Variants in BBS12 observed in about 807,000 individuals in gnomAD.
BBS12 encodes Bardet-Biedl syndrome 12, also known as chaperonin-containing T-complex member BBS12.
A neutral mutation model predicts 5.6 loss-of-function variants in BBS12; 5 were observed. The ratio of observed to expected loss-of-function variants is 0.89; its 90% confidence interval spans 0.46 to 1.86. The LOEUF is 1.86. Ranked by LOEUF, BBS12 falls within the 40% of genes most tolerant of loss-of-function variation. The probability of loss-of-function intolerance (pLI) is 0.01; values close to 1 mark genes in which losing one functional copy is unlikely to be tolerated. For missense variants in BBS12, 748 were observed against 830.4 expected (o/e 0.90, Z 1.22); for synonymous variants, 308 against 306.8 (o/e 1.00, Z -0.04).
the BBS12 span, among the ~76,000 whole-genome samples, chr4:122,717,582 C>T: frequency 1.3e-5 from 2 of 152,090 alleles, no homozygotes; most frequent in African/African-American, 4.8e-5. Context: ...CAGGCTGGAG[C>T]GCAGTGGCGT....
chr4:122,727,567 T>TTTTTTTTTTTTTTTGTA, the BBS12 span, among the ~76,000 whole-genome samples: 1 of 102,566 alleles, frequency 9.7e-6, no homozygotes, highest in Non-Finnish European at 1.9e-5. Context: ...TTTTTTTTTT[T>TTTTTTTTTTTTTTTGTA]GAGATGGAGT....
the BBS12 span, among the ~76,000 whole-genome samples, chr4:122,707,162 A>G: frequency 6.8e-6 from 1 of 146,228 alleles, no homozygotes; most frequent in Non-Finnish European, 1.5e-5. Context: ...GGCTTATCTC[A>G]CAGTTTTAAA....
In BBS12 at chr4:122,743,666, G is replaced by T; in HGVS notation, c.1774G>T (p.Ala592Ser). Residue 592 changes from alanine to serine, a missense_variant, in exon 2 of 2, where the codon GCA becomes TCA. Coordinates refer to ENST00000314218, the MANE Select transcript of BBS12 (RefSeq NM_152618.3). ...IYRPTVLKFL[A>S]NGWQKYLSTL... Reference sequence around the variant, plus strand: ...CAGACCAACTGTGCTTAAATTCCTGGCAAATGGATGGCAGAAATACCTTTC... The same window carrying T: ...CAGACCAACTGTGCTTAAATTCCTGTCAAATGGATGGCAGAAATACCTTTC... The T allele has an allele frequency of 6.2e-7, 1 of 1,614,098 alleles. No individual in the cohort carries two copies. Among genetic ancestry groups the T allele is most frequent in the Non-Finnish European group, 8.5e-7 (1 of 1,180,014 alleles).
the BBS12 span, among the ~76,000 whole-genome samples, chr4:122,701,553 G>A: frequency 2.0e-5 from 3 of 152,188 alleles, no homozygotes; most frequent in African/African-American, 7.2e-5. Context: ...GGAGGATGAG[G>A]TGGTGAGAGA....
the BBS12 span, among the ~76,000 whole-genome samples, chr4:122,713,005 A>C: frequency 6.6e-6 from 1 of 152,198 alleles, no homozygotes; most frequent in Admixed American, 6.5e-5. Context: ...GGTCTCATTG[A>C]AACATGCAGG....
the BBS12 span, among the ~76,000 whole-genome samples, chr4:122,716,543 G>GTGTATATATACACATA: frequency 1.8e-5 from 2 of 108,718 alleles, no homozygotes; most frequent in Non-Finnish European, 4.1e-5. Context: ...ATATACATAT[G>GTGTATATATACACATA]TGTATATATA....
intron 1 of BBS12, among the ~76,000 whole-genome samples, chr4:122,740,495 C>G (rs778609085): frequency 6.6e-6 from 1 of 152,118 alleles, no homozygotes; most frequent in Non-Finnish European, 1.5e-5. Context: ...GCACTGCTCA[C>G]GATGGATTTT....
In BBS12 at chr4:122,744,194, C is replaced by T. The variant is rs1800951334; in HGVS notation, c.*169C>T. Reference sequence around the variant, plus strand: ...TCTGAGATTTTACCCTACTTATAAGCTAACAAGTTAGCCTGTTACTGTTTC... The same window carrying T: ...TCTGAGATTTTACCCTACTTATAAGTTAACAAGTTAGCCTGTTACTGTTTC... On this transcript the variant is annotated 3_prime_UTR_variant, in exon 2 of 2. Transcript: ENST00000314218. 3 of 713,010 alleles carry T rather than the reference C, an allele frequency of 4.2e-6. No homozygotes were observed. Among genetic ancestry groups the T allele is most frequent in the Non-Finnish European group, 7.0e-6 (3 of 426,342 alleles). 44.2% of individuals were successfully genotyped at this position (713,010 alleles called of 1,614,324 possible).
the BBS12 span, among the ~76,000 whole-genome samples, chr4:122,706,021 A>T: frequency 6.6e-6 from 1 of 152,146 alleles, no homozygotes; most frequent in African/African-American, 2.4e-5. Flanking sequence ...TTTTCAGAGG[A>T]AGAGGAGGGC....
intron 1 of BBS12, among the ~76,000 whole-genome samples, chr4:122,739,412 A>G (rs1331967117): frequency 6.6e-6 from 1 of 151,646 alleles, no homozygotes; most frequent in Non-Finnish European, 1.5e-5. Flanking sequence ...TGGATGTCCC[A>G]CAGCACTATA....
chr4:122,738,012 TA>T (rs374548488), intron 1 of BBS12, among the ~76,000 whole-genome samples: 10 of 152,360 alleles, frequency 6.6e-5, no homozygotes, highest in African/African-American at 2.4e-4. Flanking sequence ...ACTTTATATG[TA>T]AATTAACTCA....
upstream of BBS12, chr4:122,730,059 T>C (rs1424522238): frequency 6.6e-6 from 1 of 152,182 alleles, no homozygotes; most frequent in Admixed American, 6.5e-5. Context: ...ATGGGTGATG[T>C]AAGTGCTATT....
At chr4:122,716,561 GTATATATAAACATATGTA>G in the BBS12 span, among the ~76,000 whole-genome samples, 10 of 148,820 alleles carry the variant, frequency 6.7e-5, no homozygotes, top group Non-Finnish European at 1.3e-4. Flanking sequence ...ATACACATAT[GTATATATAAACATATGTA>G]TATATACACA....
At chr4:122,707,746 G>T in the BBS12 span, among the ~76,000 whole-genome samples, 1 of 152,242 alleles carries the variant, frequency 6.6e-6, no homozygotes, top group Non-Finnish European at 1.5e-5. Flanking sequence ...GCAGTAGAAG[G>T]CCGACTTCTC....
the BBS12 span, among the ~76,000 whole-genome samples, chr4:122,722,153 A>G: frequency 6.6e-6 from 1 of 152,188 alleles, no homozygotes; most frequent in African/African-American, 2.4e-5. Flanking sequence ...CCTTATGGAT[A>G]TACTATTGAC....
chr4:122,717,684 C>T, the BBS12 span, among the ~76,000 whole-genome samples: 1 of 152,132 alleles, frequency 6.6e-6, no homozygotes, highest in Non-Finnish European at 1.5e-5. Flanking sequence ...TGTGCACCAC[C>T]GTGCCCAGCT....
the BBS12 span, among the ~76,000 whole-genome samples, chr4:122,711,955 GA>G: frequency 6.6e-6 from 1 of 152,200 alleles, no homozygotes; most frequent in Non-Finnish European, 1.5e-5. Context: ...AAGGCCAGGA[GA>G]GAGAAGAAAC....
the BBS12 span, among the ~76,000 whole-genome samples, chr4:122,715,284 C>G: frequency 1.3e-5 from 2 of 151,406 alleles, no homozygotes; most frequent in Non-Finnish European, 2.9e-5. Flanking sequence ...CCATTCTCAT[C>G]CATCACTTTC....
chr4:122,733,376 A>AACACACACACAC lies in BBS12; in HGVS notation c.-11+530_-11+541dup, dbSNP rs3034555. ...CTATCGGACCCCGCCCTCCAACCCC[A>AACACACACACAC]ACACACACACACACACACACACACA... On this transcript the variant is annotated intron_variant, in intron 1 of 1. Transcript: ENST00000314218. 4.0e-3 allele frequency among the ~76,000 whole-genome samples: 349 copies of AACACACACACAC among 88,120 alleles called. 3 individuals carry two copies. The highest frequency in any genetic ancestry group is 5.2e-3 in the Non-Finnish European group (238 of 45,714). 57.8% of individuals were successfully genotyped at this position (88,120 alleles called of 152,430 possible).
Sources: allele counts gnomAD v4.1 joint callset (sites outside exome capture counted in the v4.1 genomes callset), GRCh38; gene constraint gnomAD v4.1.1; transcripts MANE v1.5; gene names NCBI Gene and HGNC (gene_info 2026-07-23, HGNC 2026-07-21).